GABBR2: variants seen among roughly 807,000 people sequenced by gnomAD.
GABBR2 encodes the protein G-protein coupled receptor 51.
Under a neutral mutation model 105.6 loss-of-function variants are expected in GABBR2, and 23 were observed. That is an observed-to-expected ratio of 0.22 (90% CI 0.16 to 0.31). The LOEUF is 0.31. Ranked by LOEUF, GABBR2 falls within the 10% of genes least tolerant of loss-of-function variation. The pLI is 1.00. For missense variants in GABBR2, 734 were observed against 1,245.5 expected (o/e 0.59, Z 6.18); for synonymous variants, 478 against 499.7 (o/e 0.96, Z 0.58).
At chr9:98,393,061 TCCATCCATC>T (rs1316786476) in intron 9 of GABBR2, among the ~76,000 whole-genome samples, 8 of 122,520 alleles carry the variant, frequency 6.5e-5, no homozygotes, top group Non-Finnish European at 1.8e-5. Context: ...CATCCATCCA[TCCATCCATC>T]CACACACCCA....
chr9:98,421,912 G>A (rs888826301), intron 7 of GABBR2, among the ~76,000 whole-genome samples: 3 of 152,180 alleles, frequency 2.0e-5, no homozygotes, highest in African/African-American at 7.2e-5. Flanking sequence ...TTGAAACCCA[G>A]AGGCAGAACT....
At chr9:98,421,477 G>T (rs1329190864) in intron 7 of GABBR2, among the ~76,000 whole-genome samples, 1 of 152,118 alleles carries the variant, frequency 6.6e-6, no homozygotes, top group Admixed American at 6.5e-5. Context: ...CAATTTCTGT[G>T]CATTACTTTT....
intron 1 of GABBR2, among the ~76,000 whole-genome samples, chr9:98,702,328 G>A (rs1448692897): frequency 6.6e-6 from 1 of 151,758 alleles, no homozygotes; most frequent in East Asian, 1.9e-4. Flanking sequence ...CTGCCCTGTC[G>A]GGTCTCAGTG....
intron 4 of GABBR2, among the ~76,000 whole-genome samples, chr9:98,490,859 G>C (rs1337777052): frequency 1.3e-5 from 2 of 152,182 alleles, no homozygotes; most frequent in African/African-American, 4.8e-5. Context: ...TTCAGAACAG[G>C]CTTGGAATGA....
intron 7 of GABBR2, among the ~76,000 whole-genome samples, chr9:98,445,298 T>G (rs1826106477): frequency 6.6e-6 from 1 of 152,164 alleles, no homozygotes; most frequent in African/African-American, 2.4e-5. Context: ...CAGGGGTGCA[T>G]GCAAAATGCA....
At chr9:98,560,167 G>A (rs1309529127) in intron 2 of GABBR2, among the ~76,000 whole-genome samples, 1 of 152,094 alleles carries the variant, frequency 6.6e-6, no homozygotes, top group Non-Finnish European at 1.5e-5. Context: ...TATAAAAGTT[G>A]TGTATAGTTT....
intron 12 of GABBR2, among the ~76,000 whole-genome samples, chr9:98,371,053 T>A (rs1831772255): frequency 1.3e-5 from 2 of 152,054 alleles, no homozygotes; most frequent in Non-Finnish European, 2.9e-5. Context: ...ACAAGCCCTA[T>A]GCCCCAGCCA....
intron 16 of GABBR2, among the ~76,000 whole-genome samples, chr9:98,301,556 G>A (rs970407401): frequency 3.3e-5 from 5 of 152,222 alleles, no homozygotes; most frequent in African/African-American, 1.2e-4. Flanking sequence ...TTCATGTGGA[G>A]GAGGAGGGAA....
In GABBR2 at chr9:98,512,952, A is replaced by G. The variant is rs967451379; in HGVS notation, c.631-16438T>C. 1.3e-4 allele frequency among the ~76,000 whole-genome samples: 20 copies of G among 152,040 alleles called. No homozygotes were observed. The East Asian group carries it at 3.1e-3, about 23-fold the overall frequency. ...AAAAAGAGCCCGCATCACCAAGTCA[A>G]TCCTAAGCCAAAAGAACAAAGCTGG... On this transcript the variant is annotated intron_variant, in intron 3 of 18. Coordinates refer to ENST00000259455, the MANE Select transcript of GABBR2 (RefSeq NM_005458.8).
At chr9:98,616,978 T>C (rs1829595420) in intron 1 of GABBR2, among the ~76,000 whole-genome samples, 3 of 152,338 alleles carry the variant, frequency 2.0e-5, no homozygotes, top group Middle Eastern at 6.8e-3. Context: ...CCTTGGACAG[T>C]GTATTTCACT....
At chr9:98,594,368 C>T (rs1588243311) in intron 1 of GABBR2, among the ~76,000 whole-genome samples, 1 of 152,190 alleles carries the variant, frequency 6.6e-6, no homozygotes, top group East Asian at 1.9e-4. Context: ...CTGGTGCTGC[C>T]CCTGGATTCA....
chr9:98,368,049 G>A (rs879594921), intron 12 of GABBR2, among the ~76,000 whole-genome samples: 12 of 151,944 alleles, frequency 7.9e-5, no homozygotes, highest in South Asian at 2.1e-4. Flanking sequence ...GTTTATCGCC[G>A]TCATTGCCCT....
At chr9:98,384,823 G>T (rs1344035066) in intron 11 of GABBR2, among the ~76,000 whole-genome samples, 151 of 151,996 alleles carry the variant, frequency 9.9e-4, no homozygotes, top group African/African-American at 3.2e-3. Context: ...ATAAACCATA[G>T]ATATATATAT....
intron 12 of GABBR2, among the ~76,000 whole-genome samples, chr9:98,367,272 T>G (rs1032184028): frequency 7.2e-6 from 1 of 139,140 alleles, no homozygotes; most frequent in African/African-American, 2.8e-5. Flanking sequence ...ATTTGCAAAT[T>G]TATATAAATC....
At chr9:98,686,905 C>A (rs1319527051) in intron 1 of GABBR2, among the ~76,000 whole-genome samples, 1 of 152,024 alleles carries the variant, frequency 6.6e-6, no homozygotes, top group Non-Finnish European at 1.5e-5. Flanking sequence ...CTGCCTCTCC[C>A]CAGCCCTGTA....
rs532361296 is a variant in GABBR2 at position 98,393,296 on chromosome 9, T to C, written c.1378+879A>G. ...CCACCCACCCACATACCTATCCATC[T>C]ATCCATCCATCTGCCCATTCACACA... On this transcript the variant is annotated intron_variant, in intron 9 of 18. Transcript: ENST00000259455. Among the ~76,000 whole-genome samples, 51 of 141,466 alleles carry C rather than the reference T, an allele frequency of 3.6e-4. 1 individual carries two copies. In the South Asian group the frequency reaches 0.011, roughly 29 times the overall value. 92.8% of individuals were successfully genotyped at this position (141,466 alleles called of 152,430 possible).
chr9:98,636,643 G>A (rs1829881365), intron 1 of GABBR2, among the ~76,000 whole-genome samples: 1 of 151,804 alleles, frequency 6.6e-6, no homozygotes, highest in Admixed American at 6.6e-5. Context: ...ACAGATGCAT[G>A]CTGCCATAGC....
chr9:98,395,582 G>T (rs1832273959), intron 8 of GABBR2, among the ~76,000 whole-genome samples: 1 of 152,146 alleles, frequency 6.6e-6, no homozygotes, highest in Non-Finnish European at 1.5e-5. Context: ...GGGAAGGGGT[G>T]ACCAGGATGC....
chr9:98,516,697 G>A (rs1191090758), intron 3 of GABBR2, among the ~76,000 whole-genome samples: 1 of 152,140 alleles, frequency 6.6e-6, no homozygotes, highest in Non-Finnish European at 1.5e-5. Flanking sequence ...GGTGATCCTG[G>A]CTCCTAGCTC....
Sources: gnomAD v4.1 joint callset for allele counts (sites outside exome capture counted in the v4.1 genomes callset) on GRCh38, gnomAD v4.1.1 for gene constraint, MANE v1.5 for transcripts, NCBI Gene and HGNC (gene_info 2026-07-23, HGNC 2026-07-21) for gene names.